The following NCAM2 variants were observed in gnomAD, a reference collection of about 807,000 sequenced individuals.
The protein encoded by NCAM2 is N-CAM-2.
NCAM2 carries 30 observed loss-of-function variants against 98.1 expected under a neutral mutation model. The ratio of observed to expected loss-of-function variants is 0.31; its 90% CI spans 0.23 to 0.41. The LOEUF (loss-of-function observed/expected upper bound fraction) is 0.41, where lower values mean the gene tolerates loss of function less well. NCAM2 is among the 10% of genes least tolerant of loss of function. The pLI is 1.00. For missense variants in NCAM2, 867 were observed against 1,005.8 expected, an observed-to-expected ratio of 0.86 and a Z score of 1.87; for synonymous variants, 368 against 342.4, an observed-to-expected ratio of 1.07 and a Z score of -0.83.
intron 1 of NCAM2, among the ~76,000 whole-genome samples, chr21:21,179,083 A>C (rs1430007832): frequency 6.6e-6 from 1 of 152,146 alleles, no homozygotes; most frequent in African/African-American, 2.4e-5. Flanking sequence ...ACTTTTATGC[A>C]AGAGTTTCAC....
intron 1 of NCAM2, among the ~76,000 whole-genome samples, chr21:21,214,182 T>C (rs1377065390): frequency 2.6e-5 from 4 of 152,174 alleles, no homozygotes; most frequent in East Asian, 3.9e-4. Flanking sequence ...TTTCCACTTA[T>C]TTTTGTGTAG....
At chr21:21,212,885 G>A (rs1486440219) in intron 1 of NCAM2, among the ~76,000 whole-genome samples, 1 of 151,972 alleles carries the variant, frequency 6.6e-6, no homozygotes, top group Non-Finnish European at 1.5e-5. Flanking sequence ...TGGGACTACA[G>A]GTACCCGACA....
intron 1 of NCAM2, among the ~76,000 whole-genome samples, chr21:20,999,352 T>TAAAA (rs573704807): frequency 0.068 from 9,891 of 146,080 alleles, 642 homozygotes; most frequent in African/African-American, 0.17. Context: ...TTTTATCTCT[T>TAAAA]AAAAAAAAAA....
chr21:21,273,323 C>G (rs1031956122), intron 1 of NCAM2, among the ~76,000 whole-genome samples: 7 of 151,684 alleles, frequency 4.6e-5, no homozygotes, highest in Admixed American at 6.6e-5. Context: ...GATAGAACAC[C>G]AAGAGAAGAA....
intron 1 of NCAM2, among the ~76,000 whole-genome samples, chr21:21,183,838 G>A (rs1317565048): frequency 6.6e-6 from 1 of 151,744 alleles, no homozygotes; most frequent in Admixed American, 6.6e-5. Context: ...TTATAGTAAG[G>A]CTACATTGGA....
chr21:21,486,447 C>T (rs10211889), intron 15 of NCAM2, among the ~76,000 whole-genome samples: 1,714 of 151,930 alleles, frequency 0.011, 43 homozygotes, highest in African/African-American at 0.039. Flanking sequence ...ACCAATATTC[C>T]GTTTATTAAA....
chr21:21,407,309 A>G (rs186792914), intron 9 of NCAM2, among the ~76,000 whole-genome samples: 24 of 152,358 alleles, frequency 1.6e-4, no homozygotes, highest in Middle Eastern at 3.4e-3. Flanking sequence ...CGGCGTTATC[A>G]ATATTTTCTT....
chr21:21,193,719 C>A (rs986961280), intron 1 of NCAM2, among the ~76,000 whole-genome samples: 1 of 151,992 alleles, frequency 6.6e-6, no homozygotes, highest in Non-Finnish European at 1.5e-5. Context: ...TGGTCTTGAT[C>A]TGTTGACCTC....
intron 10 of NCAM2, among the ~76,000 whole-genome samples, chr21:21,410,976 C>G: frequency 7.5e-6 from 1 of 134,006 alleles, no homozygotes; most frequent in African/African-American, 2.8e-5. Flanking sequence ...CACTGCACTC[C>G]AGCCTGGTGA....
chr21:21,195,601 TATG>T (rs1216884366), intron 1 of NCAM2, among the ~76,000 whole-genome samples: 3 of 152,228 alleles, frequency 2.0e-5, no homozygotes, highest in Non-Finnish European at 2.9e-5. Flanking sequence ...TAGGTTTTTA[TATG>T]ATAAGTAAAA....
At chr21:21,105,242 G>C (rs2066321536) in intron 1 of NCAM2, among the ~76,000 whole-genome samples, 1 of 152,150 alleles carries the variant, frequency 6.6e-6, no homozygotes. Context: ...GACAATAGTA[G>C]GATTTGAATG....
At chr21:21,453,114 TATA>T (rs199528916) in intron 12 of NCAM2, among the ~76,000 whole-genome samples, 8,621 of 135,246 alleles carry the variant, frequency 0.064, 422 homozygotes, top group African/African-American at 0.12. Context: ...ATATATTATA[TATA>T]ATAACAAAAT....
intron 11 of NCAM2, among the ~76,000 whole-genome samples, chr21:21,420,011 C>T (rs2145965605): frequency 6.6e-6 from 1 of 152,148 alleles, no homozygotes; most frequent in South Asian, 2.1e-4. Flanking sequence ...TCCACATCCT[C>T]TCCAGCACCT....
intron 4 of NCAM2, among the ~76,000 whole-genome samples, chr21:21,290,512 T>C (rs1601879321): frequency 6.6e-6 from 1 of 152,012 alleles, no homozygotes; most frequent in Non-Finnish European, 1.5e-5. Context: ...TTCATGTTTG[T>C]GCTTTAATTT....
At chr21:21,333,980 A>G (rs1048662367) in intron 6 of NCAM2, among the ~76,000 whole-genome samples, 2 of 151,762 alleles carry the variant, frequency 1.3e-5, no homozygotes, top group African/African-American at 4.8e-5. Context: ...TTTTTCGGAC[A>G]CAGTCTCACT....
intron 1 of NCAM2, among the ~76,000 whole-genome samples, chr21:21,232,042 T>A (rs1393462822): frequency 6.6e-6 from 1 of 151,372 alleles, no homozygotes; most frequent in Non-Finnish European, 1.5e-5. Context: ...CCCTTCACAT[T>A]CCACCTCACT....
chr21:21,139,364 T>A (rs2067121630), intron 1 of NCAM2, among the ~76,000 whole-genome samples: 1 of 152,262 alleles, frequency 6.6e-6, no homozygotes, highest in African/African-American at 2.4e-5. Flanking sequence ...TTTTGTTGTT[T>A]TAAGCCATCA....
At chr21:21,065,893 T>A (rs544521492) in intron 1 of NCAM2, among the ~76,000 whole-genome samples, 6 of 152,262 alleles carry the variant, frequency 3.9e-5, no homozygotes, top group African/African-American at 1.4e-4. Flanking sequence ...ATTCACTAAC[T>A]CTTAGCTAGA....
At chr21:21,069,510 A>G (rs1288097913) in intron 1 of NCAM2, among the ~76,000 whole-genome samples, 1 of 152,128 alleles carries the variant, frequency 6.6e-6, no homozygotes, top group African/African-American at 2.4e-5. Flanking sequence ...ATAGTATAGT[A>G]ATACCTCTTT....
Sources: gnomAD v4.1 joint callset for allele counts (sites outside exome capture counted in the v4.1 genomes callset) on GRCh38, gnomAD v4.1.1 for gene constraint, MANE v1.5 for transcripts, NCBI Gene and HGNC (gene_info 2026-07-23, HGNC 2026-07-21) for gene names.